COL25A1: variants seen among roughly 807,000 people sequenced by gnomAD.
COL25A1 encodes collagen type XXV alpha 1 chain, also known as collagen alpha-1(XXV) chain.
In COL25A1, 103 loss-of-function variants were observed where a neutral mutation model predicts 128.4. That is an observed-to-expected ratio of 0.80 (90% CI 0.68 to 0.94). The LOEUF (loss-of-function observed/expected upper bound fraction) is 0.94. Among genes scored for constraint, COL25A1 ranks in the 40% least tolerant of loss-of-function variants. The pLI, the probability that COL25A1 is intolerant of heterozygous loss-of-function variation, is 0.00. For missense variants in COL25A1, 745 were observed against 840.0 expected, an observed-to-expected ratio of 0.89 and a Z score of 1.40; for synonymous variants, 279 against 277.2, an observed-to-expected ratio of 1.01 and a Z score of -0.06.
intron 3 of COL25A1, among the ~76,000 whole-genome samples, chr4:109,222,620 T>C (rs978975358): frequency 4.6e-5 from 7 of 152,204 alleles, no homozygotes; most frequent in Non-Finnish European, 8.8e-5. Context: ...ACTTGCTAAA[T>C]GTAGGATTTA....
At chr4:108,835,129 C>A (rs556871958) in intron 31 of COL25A1, among the ~76,000 whole-genome samples, 42 of 152,270 alleles carry the variant, frequency 2.8e-4, no homozygotes, top group African/African-American at 7.7e-4. Context: ...CTTTAAAAAT[C>A]GAATGTTCTC....
At chr4:108,916,792 T>C (rs1744926527) in intron 13 of COL25A1, among the ~76,000 whole-genome samples, 1 of 152,180 alleles carries the variant, frequency 6.6e-6, no homozygotes, top group South Asian at 2.1e-4. Context: ...CAAATGGATA[T>C]GCATTTTACT....
At chr4:109,185,322 A>ACATTG (rs1394325959) in intron 3 of COL25A1, among the ~76,000 whole-genome samples, 1 of 152,198 alleles carries the variant, frequency 6.6e-6, no homozygotes, top group African/African-American at 2.4e-5. Context: ...TTATCCTTAT[A>ACATTG]AACAACATTG....
At chr4:108,957,144 C>G (rs371032312) in intron 8 of COL25A1, among the ~76,000 whole-genome samples, 9 of 152,078 alleles carry the variant, frequency 5.9e-5, no homozygotes, top group East Asian at 3.9e-4. Context: ...TCCAGGCCCA[C>G]CTGGATAAAT....
intron 5 of COL25A1, among the ~76,000 whole-genome samples, chr4:109,031,306 C>T (rs1181542578): frequency 6.6e-6 from 1 of 151,356 alleles, no homozygotes; most frequent in African/African-American, 2.4e-5. Flanking sequence ...TTAGTAGAGA[C>T]GGGGTTTCAC....
intron 3 of COL25A1, among the ~76,000 whole-genome samples, chr4:109,206,442 A>G (rs1182322725): frequency 6.6e-6 from 1 of 152,198 alleles, no homozygotes; most frequent in Non-Finnish European, 1.5e-5. Context: ...GGAAGAATAA[A>G]TCCACCTTAA....
At chr4:108,979,466 C>G (rs1752750468) in intron 6 of COL25A1, among the ~76,000 whole-genome samples, 1 of 152,064 alleles carries the variant, frequency 6.6e-6, no homozygotes, top group Non-Finnish European at 1.5e-5. Flanking sequence ...TTTACTGGAA[C>G]TGTAAATTAT....
intron 3 of COL25A1, among the ~76,000 whole-genome samples, chr4:109,283,432 T>C (rs572875592): frequency 9.2e-5 from 14 of 152,206 alleles, no homozygotes; most frequent in Admixed American, 6.5e-4. Flanking sequence ...CTTTTTCTTT[T>C]TCTTTTTTTT....
At chr4:108,879,394 C>T (rs199796078) in intron 19 of COL25A1, among the ~76,000 whole-genome samples, 4 of 137,178 alleles carry the variant, frequency 2.9e-5, no homozygotes, top group African/African-American at 5.2e-5. Flanking sequence ...GTTTTTTTTT[C>T]CCCCAATTTG....
chr4:109,197,503 TTATATAATATTTA>T (rs1776217639), intron 3 of COL25A1, among the ~76,000 whole-genome samples: 1 of 127,378 alleles, frequency 7.9e-6, no homozygotes, highest in Non-Finnish European at 1.6e-5. Context: ...TAAATATATA[TTATATAATATTTA>T]TATATAATAT....
chr4:108,943,008 G>A lies in COL25A1; in HGVS notation c.493-1571C>T, dbSNP rs1019775418. ...TGACCTCAAGGGATCTGACTGCCTC[G>A]GCCTCCCAAAGTGCTGGGATTACAG... is the stretch of plus-strand genomic sequence containing the variant. On this transcript the variant is annotated intron_variant, in intron 8 of 37. Transcript: ENST00000399132. 9.9e-5 allele frequency among the ~76,000 whole-genome samples: 15 copies of A among 151,484 alleles called. No individual in the cohort carries two copies. The East Asian group carries it at 1.6e-3, about 16-fold the overall frequency.
At chr4:108,855,197 T>TTTG (rs1553951527) in intron 24 of COL25A1, among the ~76,000 whole-genome samples, 1 of 145,702 alleles carries the variant, frequency 6.9e-6, no homozygotes, top group Non-Finnish European at 1.5e-5. Flanking sequence ...TACTGTTTTT[T>TTTG]TTTTTTATTT....
intron 3 of COL25A1, among the ~76,000 whole-genome samples, chr4:109,069,296 C>T (rs370842165): frequency 4.6e-5 from 7 of 151,628 alleles, no homozygotes; most frequent in African/African-American, 1.5e-4. Context: ...ACTGCAGCCT[C>T]GACCTCCCTG....
At chr4:109,208,573 T>C (rs1375122934) in intron 3 of COL25A1, among the ~76,000 whole-genome samples, 1 of 149,938 alleles carries the variant, frequency 6.7e-6, no homozygotes, top group Non-Finnish European at 1.5e-5. Context: ...TACATAGTGA[T>C]TTCAGATTTT....
intron 6 of COL25A1, among the ~76,000 whole-genome samples, chr4:109,005,252 A>G (rs533388866): frequency 6.6e-6 from 1 of 152,216 alleles, no homozygotes; most frequent in Admixed American, 6.5e-5. Flanking sequence ...CACATTTTTA[A>G]ACAACTAGAT....
intron 5 of COL25A1, among the ~76,000 whole-genome samples, chr4:109,013,655 G>GAAGGAATGAACAACTCCGAACA (rs1561026086): frequency 1.3e-5 from 2 of 151,556 alleles, no homozygotes; most frequent in South Asian, 4.2e-4. Flanking sequence ...AACTCTGAAC[G>GAAGGAATGAACAACTCCGAACA]GAAGGAATGA....
chr4:108,905,752 C>T (rs1241572671), intron 13 of COL25A1, among the ~76,000 whole-genome samples: 1 of 150,522 alleles, frequency 6.6e-6, no homozygotes, highest in Non-Finnish European at 1.5e-5. Flanking sequence ...AGTATTAAAG[C>T]AAGTCAACAT....
intron 3 of COL25A1, among the ~76,000 whole-genome samples, chr4:109,220,283 C>T (rs923100118): frequency 1.3e-5 from 2 of 152,174 alleles, no homozygotes; most frequent in African/African-American, 4.8e-5. Flanking sequence ...TCAGTGAACG[C>T]ATATTTCTGA....
chr4:109,113,706 C>G (rs1321605854), intron 3 of COL25A1, among the ~76,000 whole-genome samples: 1 of 151,990 alleles, frequency 6.6e-6, no homozygotes. Flanking sequence ...AGAGACTGTC[C>G]TTATGGTAAC....
Sources: allele counts gnomAD v4.1 joint callset (sites outside exome capture counted in the v4.1 genomes callset), GRCh38; gene constraint gnomAD v4.1.1; transcripts MANE v1.5; gene names NCBI Gene and HGNC (gene_info 2026-07-23, HGNC 2026-07-21).